Variants in MAPK10 observed in about 807,000 individuals in gnomAD.
The protein encoded by MAPK10 is mitogen-activated protein kinase 10, also known as JNK3 alpha protein kinase.
Under a neutral mutation model 59.3 loss-of-function variants are expected in MAPK10, and 25 were observed. The ratio of observed to expected loss-of-function variants is 0.42; its 90% CI spans 0.31 to 0.59. The LOEUF is 0.59. Ranked by LOEUF, MAPK10 falls within the 20% of genes least tolerant of loss-of-function variation. The pLI is 0.15. For synonymous variants in MAPK10, 190 were observed against 200.5 expected (o/e 0.95, Z 0.44); for missense variants, 351 against 568.9 (o/e 0.62, Z 3.90).
At chr4:86,319,913 C>T (rs756731858) in intron 2 of MAPK10, among the ~76,000 whole-genome samples, 2 of 152,232 alleles carry the variant, frequency 1.3e-5, no homozygotes, top group African/African-American at 2.4e-5. Context: ...TCTTTCTACT[C>T]TCTCCCTCAC....
chr4:86,032,749 A>C (rs1244702644), intron 11 of MAPK10, among the ~76,000 whole-genome samples: 2 of 152,198 alleles, frequency 1.3e-5, no homozygotes, highest in Non-Finnish European at 2.9e-5. Context: ...CTGGGGCCTC[A>C]CATCCTGCAA....
chr4:86,287,714 C>T (rs1056580307), intron 2 of MAPK10, among the ~76,000 whole-genome samples: 2 of 152,014 alleles, frequency 1.3e-5, no homozygotes, highest in Non-Finnish European at 2.9e-5. Flanking sequence ...ACTAGAAAAC[C>T]CAATCACTAC....
At chr4:86,362,361 C>T (rs145619400), upstream of MAPK10, among the ~76,000 whole-genome samples, 104 of 151,272 alleles carry the variant, frequency 6.9e-4, 1 homozygote, top group African/African-American at 2.2e-3. Context: ...TTAAAGATGG[C>T]TTTCTGACCT....
chr4:86,389,302 A>T (rs1741894710), intron 1 of MAPK10, among the ~76,000 whole-genome samples: 1 of 152,320 alleles, frequency 6.6e-6, no homozygotes, highest in Non-Finnish European at 1.5e-5. Flanking sequence ...CTGCAGAACC[A>T]TGAGCCAACT....
intron 3 of MAPK10, chr4:86,193,524 G>A (rs943667767): frequency 6.6e-6 from 1 of 152,216 alleles, no homozygotes; most frequent in African/African-American, 2.4e-5. Flanking sequence ...TGCCCAGTTC[G>A]AACTTTCCAG....
In MAPK10 at chr4:86,370,252, G is replaced by A. The variant is rs533593640; in HGVS notation, c.-121-15608C>T. Among the ~76,000 whole-genome samples, 88 of 152,138 alleles carry A rather than the reference G, an allele frequency of 5.8e-4. No homozygotes were observed. In the South Asian group the frequency reaches 0.018, roughly 31 times the overall value. ...AACTTGAAGAAATTTGAGCCTATCTGCCAGTCTACACCTGAGATACTATTC... is the reference window on the plus strand; with the variant it reads ...AACTTGAAGAAATTTGAGCCTATCTACCAGTCTACACCTGAGATACTATTC... On this transcript the variant is annotated intron_variant, in intron 1 of 13. Coordinates refer to the MAPK10 transcript ENST00000361569.
intron 1 of MAPK10, among the ~76,000 whole-genome samples, chr4:86,464,969 C>T (rs188766382): frequency 2.0e-5 from 3 of 152,338 alleles, no homozygotes; most frequent in East Asian, 1.9e-4. Flanking sequence ...ATTTAACACA[C>T]GTTAATGTCT....
intron 2 of MAPK10, chr4:86,326,004 G>T (rs2148902125): frequency 6.6e-6 from 1 of 152,252 alleles, no homozygotes. Flanking sequence ...TACAATAAAT[G>T]TTAAGGGCTA....
At chr4:86,453,623 A>G (rs1047587077), upstream of MAPK10, among the ~76,000 whole-genome samples, 1 of 124,190 alleles carries the variant, frequency 8.1e-6, no homozygotes, top group Non-Finnish European at 1.6e-5. Context: ...ACCCAAGTAG[A>G]GTCTGAGCTC....
At chr4:86,323,805 A>G (rs760943657) in intron 2 of MAPK10, among the ~76,000 whole-genome samples, 8 of 152,344 alleles carry the variant, frequency 5.3e-5, no homozygotes, top group Middle Eastern at 3.4e-3. Context: ...TTGAACCACT[A>G]AAGAAAATAT....
chr4:86,585,000 T>C (rs1231961141), intron 1 of MAPK10, among the ~76,000 whole-genome samples: 1 of 152,174 alleles, frequency 6.6e-6, no homozygotes, highest in Admixed American at 6.5e-5. Context: ...TTAATCCAAT[T>C]CAAGCTGCTA....
At chr4:86,091,167 A>G (rs541398907) in intron 9 of MAPK10, 1 of 152,032 alleles carries the variant, frequency 6.6e-6, no homozygotes, top group South Asian at 2.1e-4. Context: ...TATTATTTAC[A>G]TATCAAATCA....
chr4:86,286,963 G>C (rs1256190902), intron 2 of MAPK10, among the ~76,000 whole-genome samples: 19 of 152,166 alleles, frequency 1.2e-4, no homozygotes, highest in Admixed American at 6.5e-4. Flanking sequence ...TGCTGGCACC[G>C]TTAACAGGAA....
At chr4:86,079,597 A>T (rs574254039) in intron 9 of MAPK10, 1 of 152,314 alleles carries the variant, frequency 6.6e-6, no homozygotes, top group South Asian at 2.1e-4. Context: ...GAGATCATGT[A>T]ATTTGGCATC....
At chr4:86,191,861 A>G (rs2079971738) in intron 3 of MAPK10, 1 of 151,998 alleles carries the variant, frequency 6.6e-6, no homozygotes, top group African/African-American at 2.4e-5. Flanking sequence ...GTTTCTTCAT[A>G]GTGTCGATGG....
chr4:86,486,094 T>C (rs1021011628), intron 1 of MAPK10, among the ~76,000 whole-genome samples: 23 of 152,296 alleles, frequency 1.5e-4, no homozygotes, highest in African/African-American at 5.1e-4. Flanking sequence ...TAAAACTGAA[T>C]AGACACAGTC....
intron 2 of MAPK10, among the ~76,000 whole-genome samples, chr4:86,350,222 T>C (rs1300676815): frequency 6.6e-6 from 1 of 151,802 alleles, no homozygotes; most frequent in Non-Finnish European, 1.5e-5. Context: ...CAGATAATTT[T>C]TTTTTTTTTT....
At chr4:86,037,105 T>A (rs1252099629) in intron 11 of MAPK10, among the ~76,000 whole-genome samples, 1 of 152,234 alleles carries the variant, frequency 6.6e-6, no homozygotes, top group Non-Finnish European at 1.5e-5. Context: ...AAGAGTAGAA[T>A]TCTGCATAAT....
At chr4:86,569,754 A>G (rs981084854) in intron 1 of MAPK10, among the ~76,000 whole-genome samples, 6 of 152,088 alleles carry the variant, frequency 3.9e-5, no homozygotes, top group Non-Finnish European at 7.4e-5. Flanking sequence ...AACAGTGGGT[A>G]CACGTGGACA....
Sources: gnomAD v4.1 joint callset for allele counts (sites outside exome capture counted in the v4.1 genomes callset) on GRCh38, gnomAD v4.1.1 for gene constraint, MANE v1.5 for transcripts, NCBI Gene and HGNC (gene_info 2026-07-23, HGNC 2026-07-21) for gene names.